The following TMEM178B variants were observed in gnomAD, a reference collection of about 807,000 sequenced individuals.
TMEM178B encodes the protein transmembrane protein 178B.
Under a neutral mutation model 31.0 loss-of-function variants are expected in TMEM178B, and 5 were observed. That is an observed-to-expected ratio of 0.16 (90% CI 0.08 to 0.34). TMEM178B has a LOEUF of 0.34. Ranked by LOEUF, TMEM178B falls within the 10% of genes least tolerant of loss-of-function variation. TMEM178B has a pLI of 1.00. For missense variants in TMEM178B, 275 were observed against 400.3 expected (o/e 0.69, Z 2.67); for synonymous variants, 164 against 164.0 (o/e 1.00, Z 0.00).
At chr7:141,249,425 CA>C (rs1407737813) in intron 2 of TMEM178B, among the ~76,000 whole-genome samples, 6 of 152,212 alleles carry the variant, frequency 3.9e-5, no homozygotes, top group Non-Finnish European at 8.8e-5. Flanking sequence ...ATGTCTTTAT[CA>C]GCAGTGTAAA....
intron 1 of TMEM178B, among the ~76,000 whole-genome samples, chr7:141,116,788 T>G (rs1221300088): frequency 1.3e-5 from 2 of 152,168 alleles, no homozygotes; most frequent in African/African-American, 4.8e-5. Context: ...GTTCCTGTGT[T>G]AGTTTGCTGA....
rs556454408 is a variant in TMEM178B, at chr7:141,458,866, G to C, written c.635-11670G>C. 3.3e-5 allele frequency among the ~76,000 whole-genome samples: 5 copies of C among 152,170 alleles called. No homozygotes were observed. In the East Asian group the frequency reaches 9.6e-4, roughly 29 times the overall value. On this transcript the variant is annotated intron_variant, in intron 3 of 3. Coordinates refer to ENST00000565468, the MANE Select transcript of TMEM178B (RefSeq NM_001195278.2). ...TGTACGTGCATGGGTGCATGCACCT[G>C]TGCGCACGCACACACACACACATAC...
chr7:141,446,064 T>C (rs927024449), intron 3 of TMEM178B, among the ~76,000 whole-genome samples: 2 of 152,184 alleles, frequency 1.3e-5, no homozygotes, highest in Admixed American at 6.5e-5. Flanking sequence ...AAAAGACATT[T>C]GAGGGAGAAG....
chr7:141,509,770 G>A, the TMEM178B span, among the ~76,000 whole-genome samples: 2 of 152,234 alleles, frequency 1.3e-5, no homozygotes, highest in Non-Finnish European at 2.9e-5. Context: ...GCTGGGCATG[G>A]AACCATTTTC....
chr7:141,134,087 T>C (rs1795636372), intron 1 of TMEM178B, among the ~76,000 whole-genome samples: 1 of 151,834 alleles, frequency 6.6e-6, no homozygotes, highest in Admixed American at 6.6e-5. Context: ...ATAAAAACAT[T>C]AGGTGGACAT....
chr7:141,294,591 A>G (rs1286582112), intron 2 of TMEM178B, among the ~76,000 whole-genome samples: 1 of 152,216 alleles, frequency 6.6e-6, no homozygotes, highest in Non-Finnish European at 1.5e-5. Context: ...AAGACTTTAT[A>G]CATGGGGAAA....
chr7:141,371,147 A>G (rs1800107773), intron 2 of TMEM178B, among the ~76,000 whole-genome samples: 1 of 152,158 alleles, frequency 6.6e-6, no homozygotes, highest in Non-Finnish European at 1.5e-5. Flanking sequence ...TCCCTTCCAA[A>G]CCTCATGTTG....
intron 2 of TMEM178B, among the ~76,000 whole-genome samples, chr7:141,404,080 C>T (rs544787693): frequency 3.7e-4 from 56 of 152,242 alleles, no homozygotes; most frequent in African/African-American, 1.2e-3. Context: ...CCGAGACGGG[C>T]GGATCACGTG....
chr7:141,085,987 T>G (rs1213173480), intron 1 of TMEM178B, among the ~76,000 whole-genome samples: 1 of 152,120 alleles, frequency 6.6e-6, no homozygotes, highest in Non-Finnish European at 1.5e-5. Flanking sequence ...GTATGGTATA[T>G]TCATACAATA....
intron 1 of TMEM178B, among the ~76,000 whole-genome samples, chr7:141,085,627 C>T (rs1204275980): frequency 6.6e-6 from 1 of 151,428 alleles, no homozygotes; most frequent in African/African-American, 2.5e-5. Flanking sequence ...GCTCTGGAGT[C>T]CCTCTCATTC....
At chr7:141,167,226 C>T (rs955288488) in intron 1 of TMEM178B, among the ~76,000 whole-genome samples, 1 of 152,148 alleles carries the variant, frequency 6.6e-6, no homozygotes, top group Non-Finnish European at 1.5e-5. Flanking sequence ...TAGAGTTGCC[C>T]GTGAGTACTA....
intron 1 of TMEM178B, among the ~76,000 whole-genome samples, chr7:141,120,020 T>C (rs1247642276): frequency 1.3e-5 from 2 of 152,190 alleles, no homozygotes; most frequent in East Asian, 1.9e-4. Flanking sequence ...GGTGGAGATG[T>C]ATCTTGTAAC....
intron 2 of TMEM178B, among the ~76,000 whole-genome samples, chr7:141,402,405 C>T (rs1800800266): frequency 6.6e-6 from 1 of 152,220 alleles, no homozygotes; most frequent in African/African-American, 2.4e-5. Flanking sequence ...TGCCTTCCTC[C>T]TTCCCTCCCC....
chr7:141,459,248 C>T (rs191875129), intron 3 of TMEM178B, among the ~76,000 whole-genome samples: 4 of 152,272 alleles, frequency 2.6e-5, no homozygotes, highest in African/African-American at 7.2e-5. Flanking sequence ...AGGCTGGTCT[C>T]GAACTCCCGA....
At chr7:141,246,871 G>A (rs1323036679) in intron 2 of TMEM178B, among the ~76,000 whole-genome samples, 1 of 152,092 alleles carries the variant, frequency 6.6e-6, no homozygotes, top group Non-Finnish European at 1.5e-5. Flanking sequence ...AGCATGTCCA[G>A]CCACCCCCAG....
chr7:141,402,903 G>A (rs972629223), intron 2 of TMEM178B, among the ~76,000 whole-genome samples: 1 of 152,248 alleles, frequency 6.6e-6, no homozygotes, highest in Non-Finnish European at 1.5e-5. Context: ...TTGTTTCTCA[G>A]TTAACTGCTA....
Position 141,470,850 on chromosome 7 carries a change from A to G in TMEM178B, c.*64A>G. 1.1e-6 allele frequency: 1 copy of G among 934,526 alleles called. No homozygotes were observed. The highest frequency in any genetic ancestry group is 1.3e-6 in the Non-Finnish European group (1 of 754,560). The allele number at this position is 934,526 out of a possible 1,614,324, so 57.9% of individuals were successfully genotyped here. On this transcript the variant is annotated 3_prime_UTR_variant, in exon 4 of 4. Coordinates refer to ENST00000565468, the MANE Select transcript of TMEM178B (RefSeq NM_001195278.2). ...TATATATAATATACATATATAAAAC[A>G]AAACAAAACTAAATCAAGACGATGC...
At chr7:141,494,262 G>T in the TMEM178B span, among the ~76,000 whole-genome samples, 1 of 152,106 alleles carries the variant, frequency 6.6e-6, no homozygotes, top group Non-Finnish European at 1.5e-5. Flanking sequence ...AACTTTTATT[G>T]AATTCGGTGG....
chr7:141,230,267 G>A (rs1797420517), intron 2 of TMEM178B, among the ~76,000 whole-genome samples: 2 of 152,100 alleles, frequency 1.3e-5, no homozygotes, highest in African/African-American at 2.4e-5. Context: ...CATTTCTTAG[G>A]TTCTTGATAT....
Sources: gnomAD v4.1 joint callset for allele counts (sites outside exome capture counted in the v4.1 genomes callset) on GRCh38, gnomAD v4.1.1 for gene constraint, MANE v1.5 for transcripts, NCBI Gene and HGNC (gene_info 2026-07-23, HGNC 2026-07-21) for gene names.